The following KSR2 variants were observed in gnomAD, a reference collection of about 807,000 sequenced individuals.
KSR2 encodes kinase suppressor of ras 2.
In KSR2, 25 loss-of-function variants were observed where a neutral mutation model predicts 107.8. That is an observed-to-expected ratio of 0.23 (90% confidence interval 0.17 to 0.32). KSR2 has a LOEUF of 0.32. Ranked by LOEUF, KSR2 falls within the 10% of genes least tolerant of loss-of-function variation. The pLI, the probability that KSR2 is intolerant of heterozygous loss-of-function variation, is 1.00. For missense variants in KSR2, 887 were observed against 1,268.9 expected, an observed-to-expected ratio of 0.70 and a Z score of 4.57; for synonymous variants, 480 against 507.0, an observed-to-expected ratio of 0.95 and a Z score of 0.71.
At chr12:117,860,161 A>G (rs1454086968) in intron 2 of KSR2, 130 bp downstream of exon 2, 10 of 900,206 alleles carry the variant, frequency 1.1e-5, no homozygotes, top group Non-Finnish European at 1.5e-5. Flanking sequence ...CGTCCAGCAC[A>G]TATTTATTGA....
chr12:117,894,357 TTAAA>T (rs1372068412), intron 1 of KSR2, among the ~76,000 whole-genome samples: 8 of 152,170 alleles, frequency 5.3e-5, no homozygotes, highest in Non-Finnish European at 1.0e-4. Flanking sequence ...ATTTTTATCT[TTAAA>T]TAGTGCATTA....
chr12:117,514,449 G>A lies in KSR2; in HGVS notation c.2219+10403C>T, dbSNP rs1592944562. Among the ~76,000 whole-genome samples, 4 of 152,154 alleles carry A rather than the reference G, an allele frequency of 2.6e-5. No homozygotes were observed. The South Asian group carries it at 8.3e-4, about 32-fold the overall frequency. On this transcript the variant is annotated intron_variant, in intron 14 of 19. Transcript: ENST00000339824. ...CCCTCCTCTGGTTTAATCCCTGGGT[G>A]GCTCCCCTGACTGCCTTTGGGAGAA... is the stretch of plus-strand genomic sequence containing the variant.
intron 14 of KSR2, among the ~76,000 whole-genome samples, chr12:117,508,544 G>A (rs1042803958): frequency 3.3e-5 from 5 of 152,112 alleles, no homozygotes; most frequent in Admixed American, 6.5e-5. Context: ...AAACAGATGG[G>A]TGGGTAGGTA....
chr12:117,624,437 A>G (rs1176579246), intron 5 of KSR2, among the ~76,000 whole-genome samples: 1 of 152,234 alleles, frequency 6.6e-6, no homozygotes, highest in Non-Finnish European at 1.5e-5. Flanking sequence ...CTTTCTACAT[A>G]TGGCTAGCCA....
At chr12:117,580,487 A>C (rs542255926) in intron 6 of KSR2, among the ~76,000 whole-genome samples, 1 of 151,858 alleles carries the variant, frequency 6.6e-6, no homozygotes, top group Non-Finnish European at 1.5e-5. Flanking sequence ...TCCTTTCCAG[A>C]CCTCTCTTGT....
chr12:117,705,777 A>G (rs1435028154), intron 4 of KSR2, among the ~76,000 whole-genome samples: 1 of 152,134 alleles, frequency 6.6e-6, no homozygotes. Context: ...TAGACTGGGA[A>G]TGCTCCCCTC....
At chr12:117,880,713 CTTTT>C (rs545456495) in intron 1 of KSR2, among the ~76,000 whole-genome samples, 2,630 of 116,710 alleles carry the variant, frequency 0.023, 75 homozygotes, top group African/African-American at 0.07. Context: ...TTGCCAGATT[CTTTT>C]TTTTTTTTTT....
intron 1 of KSR2, among the ~76,000 whole-genome samples, chr12:117,899,575 A>G (rs1894623000): frequency 6.6e-6 from 1 of 152,220 alleles, no homozygotes; most frequent in African/African-American, 2.4e-5. Flanking sequence ...TGCACCAACA[A>G]TGAAGTGTTT....
intron 3 of KSR2, among the ~76,000 whole-genome samples, chr12:117,853,066 G>A (rs1272007005): frequency 6.6e-6 from 1 of 152,290 alleles, no homozygotes; most frequent in Non-Finnish European, 1.5e-5. Flanking sequence ...GCCTCCTAAA[G>A]TGCTGGGATT....
At chr12:117,668,486 G>T (rs964271769) in intron 4 of KSR2, among the ~76,000 whole-genome samples, 11 of 152,200 alleles carry the variant, frequency 7.2e-5, no homozygotes, top group African/African-American at 1.9e-4. Context: ...GACCCTGGGT[G>T]CCCCCACCCT....
rs73405357 is a variant in KSR2 at position 117,554,135 on chromosome 12, G to C, written c.1518+1034C>G. Reference sequence around the variant, plus strand: ...GAGATGCTTGGAAAATCACCTGCTGGTGTGTGCAACCTTTGCCTCCTACTG... The same window carrying C: ...GAGATGCTTGGAAAATCACCTGCTGCTGTGTGCAACCTTTGCCTCCTACTG... On this transcript the variant is annotated intron_variant, in intron 9 of 19. Transcript: ENST00000339824. 5.2e-3 allele frequency among the ~76,000 whole-genome samples: 792 copies of C among 152,296 alleles called. 8 individuals carry two copies. Among genetic ancestry groups the C allele is most frequent in the African/African-American group, 0.018 (751 of 41,560 alleles).
chr12:117,919,348 G>A (rs1593369001), intron 1 of KSR2, among the ~76,000 whole-genome samples: 1 of 152,124 alleles, frequency 6.6e-6, no homozygotes, highest in African/African-American at 2.4e-5. Context: ...CAGGACTTCC[G>A]CATCTTTCTG....
chr12:117,833,979 T>C (rs748467852), intron 3 of KSR2, among the ~76,000 whole-genome samples: 3 of 151,234 alleles, frequency 2.0e-5, no homozygotes, highest in African/African-American at 7.3e-5. Context: ...AAAAAAAATT[T>C]TCATTAAAAA....
At chr12:117,628,548 T>C (rs1290252476) in intron 5 of KSR2, among the ~76,000 whole-genome samples, 1 of 152,188 alleles carries the variant, frequency 6.6e-6, no homozygotes, top group Non-Finnish European at 1.5e-5. Context: ...ACAGCAAATA[T>C]TGCTGCCTGA....
At chr12:117,527,617 A>G (rs747442176) in intron 12 of KSR2, among the ~76,000 whole-genome samples, 45 of 152,276 alleles carry the variant, frequency 3.0e-4, no homozygotes, top group Non-Finnish European at 4.9e-4. Flanking sequence ...TCATGCATTC[A>G]TGCGACTATT....
intron 1 of KSR2, among the ~76,000 whole-genome samples, chr12:117,911,434 C>T (rs1242090571): frequency 1.3e-5 from 2 of 152,188 alleles, no homozygotes; most frequent in African/African-American, 2.4e-5. Context: ...TTGAACCCAA[C>T]CTGCAGCCTA....
At chr12:117,619,703 A>T (rs1357671770) in intron 5 of KSR2, among the ~76,000 whole-genome samples, 1 of 151,166 alleles carries the variant, frequency 6.6e-6, no homozygotes, top group Non-Finnish European at 1.5e-5. Context: ...ATAACAACAC[A>T]CACATATACA....
At chr12:117,584,402 A>C (rs1879870213) in intron 5 of KSR2, among the ~76,000 whole-genome samples, 1 of 143,604 alleles carries the variant, frequency 7.0e-6, no homozygotes. Context: ...GTGGGTGGGA[A>C]TGGGAGGATG....
intron 1 of KSR2, among the ~76,000 whole-genome samples, chr12:117,926,239 G>T (rs1895515104): frequency 6.6e-6 from 1 of 152,082 alleles, no homozygotes; most frequent in African/African-American, 2.4e-5. Context: ...AGAAAACCCA[G>T]CTCTCTCCCC....
Sources: allele counts gnomAD v4.1 joint callset (sites outside exome capture counted in the v4.1 genomes callset), GRCh38; gene constraint gnomAD v4.1.1; transcripts MANE v1.5; gene names NCBI Gene and HGNC (gene_info 2026-07-23, HGNC 2026-07-21).